Variants in ERC2 observed in about 807,000 individuals in gnomAD.
ERC2 encodes ELKS/RAB6-interacting/CAST family member 2, also known as ERC protein 2.
Under a neutral mutation model 114.8 loss-of-function variants are expected in ERC2, and 42 were observed. That is an observed-to-expected ratio of 0.37 (90% CI 0.29 to 0.47). The LOEUF (loss-of-function observed/expected upper bound fraction) is 0.47, where lower values mean the gene tolerates loss of function less well. Among genes scored for constraint, ERC2 ranks in the 20% least tolerant of loss-of-function variants. The pLI, the probability that ERC2 is intolerant of heterozygous loss-of-function variation, is 0.99. For missense variants in ERC2, 939 were observed against 1,150.7 expected (o/e 0.82, Z 2.66); for synonymous variants, 454 against 425.5 (o/e 1.07, Z -0.82).
intron 15 of ERC2, among the ~76,000 whole-genome samples, chr3:55,705,835 T>C (rs1025857266): frequency 6.6e-6 from 1 of 152,300 alleles, no homozygotes; most frequent in East Asian, 1.9e-4. Flanking sequence ...TGGCTGGTGT[T>C]TTTATACCTA....
intron 14 of ERC2, among the ~76,000 whole-genome samples, chr3:55,833,749 A>G (rs148238667): frequency 0.16 from 24,760 of 152,118 alleles, 2,237 homozygotes; most frequent in East Asian, 0.23. Flanking sequence ...GATCAAATTC[A>G]CACATAACAA....
intron 17 of ERC2, among the ~76,000 whole-genome samples, chr3:55,513,308 T>C (rs1223449319): frequency 1.3e-5 from 2 of 152,236 alleles, no homozygotes; most frequent in Non-Finnish European, 2.9e-5. Flanking sequence ...CCTCTCTCTC[T>C]GCAGTCCTGT....
chr3:56,258,406 C>T (rs1422467850), intron 3 of ERC2, among the ~76,000 whole-genome samples: 2 of 152,126 alleles, frequency 1.3e-5, no homozygotes, highest in Admixed American at 1.3e-4. Context: ...GCCTGTAATC[C>T]CAGCACTTTG....
intron 6 of ERC2, among the ~76,000 whole-genome samples, chr3:56,126,807 GAAGGAAAGGAAAGGAAAGGAAAGGA>G (rs772412464): frequency 9.3e-6 from 1 of 107,460 alleles, no homozygotes; most frequent in Admixed American, 1.1e-4. Flanking sequence ...AAAGGAAAGG[GAAGGAAAGGAAAGGAAAGGAAAGGA>G]AAGGAAAGGA....
At chr3:56,438,546 T>C (rs1379229876) in intron 1 of ERC2, among the ~76,000 whole-genome samples, 1 of 151,128 alleles carries the variant, frequency 6.6e-6, no homozygotes, top group Non-Finnish European at 1.5e-5. Flanking sequence ...AACATAATAA[T>C]GATATATACT....
chr3:55,693,060 C>T (rs1415952427), intron 16 of ERC2, among the ~76,000 whole-genome samples: 3 of 152,276 alleles, frequency 2.0e-5, no homozygotes, highest in Non-Finnish European at 2.9e-5. Context: ...CGCACTTTGG[C>T]TGAGAGCCAA....
chr3:55,578,062 G>A (rs1049242846), intron 17 of ERC2, among the ~76,000 whole-genome samples: 2 of 152,160 alleles, frequency 1.3e-5, no homozygotes, highest in East Asian at 1.9e-4. Context: ...AGGATATGGC[G>A]AATTCTGTAG....
At chr3:55,867,806 T>G (rs1020084470) in intron 14 of ERC2, among the ~76,000 whole-genome samples, 12 of 152,194 alleles carry the variant, frequency 7.9e-5, no homozygotes, top group Non-Finnish European at 1.3e-4. Flanking sequence ...GTCACTGCTA[T>G]TGGTCACTTT....
intron 2 of ERC2, among the ~76,000 whole-genome samples, chr3:56,425,560 C>CTTTTTTTTT (rs67210393): frequency 1.6e-5 from 2 of 124,004 alleles, no homozygotes; most frequent in East Asian, 2.5e-4. Context: ...GACCCTTTTT[C>CTTTTTTTTT]TTTTTTTTTT....
At chr3:55,784,792 T>C (rs548012016) in intron 14 of ERC2, among the ~76,000 whole-genome samples, 2 of 152,348 alleles carry the variant, frequency 1.3e-5, no homozygotes, top group Admixed American at 6.5e-5. Context: ...CCTTTGTCTC[T>C]TGGAGTTTGT....
At chr3:56,143,230 T>C (rs1303107079) in intron 5 of ERC2, among the ~76,000 whole-genome samples, 1 of 152,192 alleles carries the variant, frequency 6.6e-6, no homozygotes, top group Non-Finnish European at 1.5e-5. Flanking sequence ...TCATCTTAAG[T>C]AGGCCCAGAC....
intron 17 of ERC2, among the ~76,000 whole-genome samples, chr3:55,537,314 A>G (rs752955517): frequency 3.9e-5 from 6 of 152,232 alleles, no homozygotes; most frequent in Non-Finnish European, 5.9e-5. Context: ...ATAGAGGTGG[A>G]AGACGATGGT....
intron 17 of ERC2, among the ~76,000 whole-genome samples, chr3:55,653,585 G>C (rs2060734797): frequency 1.0e-5 from 1 of 99,464 alleles, no homozygotes; most frequent in Admixed American, 1.0e-4. Context: ...GTGTGTGTGT[G>C]TGTGTGTGTG....
chr3:55,995,966 A>C (rs2071476724), intron 10 of ERC2, among the ~76,000 whole-genome samples: 1 of 152,156 alleles, frequency 6.6e-6, no homozygotes. Flanking sequence ...TTCAAATAAC[A>C]ACATGAGTTC....
chr3:55,968,009 G>A (rs148645616), intron 12 of ERC2, among the ~76,000 whole-genome samples: 87 of 152,188 alleles, frequency 5.7e-4, no homozygotes, highest in African/African-American at 2.1e-3. Context: ...CCAGTCTGTG[G>A]TATATATAGC....
intron 15 of ERC2, among the ~76,000 whole-genome samples, chr3:55,731,913 G>T (rs1427797646): frequency 6.6e-6 from 1 of 152,122 alleles, no homozygotes; most frequent in Non-Finnish European, 1.5e-5. Flanking sequence ...ATTCTTAAAT[G>T]GTTTTTTTGG....
intron 4 of ERC2, among the ~76,000 whole-genome samples, chr3:56,151,716 C>A (rs1376623730): frequency 6.6e-6 from 1 of 152,128 alleles, no homozygotes; most frequent in African/African-American, 2.4e-5. Context: ...AAAACCTAAT[C>A]TATGTAAGGA....
At chr3:56,191,724 C>G (rs1166487487) in intron 3 of ERC2, among the ~76,000 whole-genome samples, 1 of 152,078 alleles carries the variant, frequency 6.6e-6, no homozygotes, top group Non-Finnish European at 1.5e-5. Context: ...CTGATGTTCC[C>G]CTGACTGCAG....
At chr3:56,219,873 T>G (rs2049780780) in intron 3 of ERC2, among the ~76,000 whole-genome samples, 1 of 152,102 alleles carries the variant, frequency 6.6e-6, no homozygotes, top group South Asian at 2.1e-4. Context: ...TTTGGGCAAT[T>G]TTTTTCATCT....
Sources: gnomAD v4.1 joint callset for allele counts (sites outside exome capture counted in the v4.1 genomes callset) on GRCh38, gnomAD v4.1.1 for gene constraint, MANE v1.5 for transcripts, NCBI Gene and HGNC (gene_info 2026-07-23, HGNC 2026-07-21) for gene names.